Variants in HS3ST2 observed in about 807,000 individuals in gnomAD.
HS3ST2 encodes the protein heparan sulfate glucosamine 3-O-sulfotransferase 2.
Under a neutral mutation model 26.3 loss-of-function variants are expected in HS3ST2, and 17 were observed. The ratio of observed to expected loss-of-function variants is 0.65; its 90% CI spans 0.44 to 0.97. The LOEUF is 0.97. HS3ST2 is among the 50% of genes least tolerant of loss of function. The probability of loss-of-function intolerance (pLI) is 0.00; values close to 1 mark genes in which losing one functional copy is unlikely to be tolerated. For synonymous variants in HS3ST2, 237 were observed against 219.2 expected, an observed-to-expected ratio of 1.08 and a Z score of -0.72; for missense variants, 402 against 501.2, an observed-to-expected ratio of 0.80 and a Z score of 1.89.
intron 1 of HS3ST2, among the ~76,000 whole-genome samples, chr16:22,911,712 T>C (rs1902426508): frequency 6.6e-6 from 1 of 152,212 alleles, no homozygotes; most frequent in African/African-American, 2.4e-5. Context: ...TTCCCTTCTC[T>C]AACAAGGACA....
intron 1 of HS3ST2, among the ~76,000 whole-genome samples, chr16:22,819,532 G>T (rs1459011393): frequency 6.6e-6 from 1 of 152,204 alleles, no homozygotes; most frequent in Non-Finnish European, 1.5e-5. Flanking sequence ...TTTCGGTATG[G>T]CAGGGGAATG....
rs563209648 is a variant in HS3ST2 at position 22,843,621 on chromosome 16, G to A, written c.485+28526G>A. On this transcript the variant is annotated intron_variant, in intron 1 of 1. Transcript: ENST00000261374. Reference sequence around the variant, plus strand: ...GATATACACAGGGTGAGGTCTGGAAGGGTCCCGAGTGGATGAGCTCTGTCT... The same window carrying A: ...GATATACACAGGGTGAGGTCTGGAAAGGTCCCGAGTGGATGAGCTCTGTCT... 3.3e-5 allele frequency among the ~76,000 whole-genome samples: 5 copies of A among 152,342 alleles called. No homozygotes were observed. The South Asian group carries it at 8.3e-4, about 25-fold the overall frequency.
At chr16:22,898,839 A>G (rs1186690867) in intron 1 of HS3ST2, among the ~76,000 whole-genome samples, 1 of 152,188 alleles carries the variant, frequency 6.6e-6, no homozygotes. Context: ...TGAGAAAACC[A>G]ACTCCTGCTC....
At chr16:22,892,992 T>C (rs750281256) in intron 1 of HS3ST2, among the ~76,000 whole-genome samples, 1 of 152,226 alleles carries the variant, frequency 6.6e-6, no homozygotes, top group Non-Finnish European at 1.5e-5. Context: ...TGATTTTCCA[T>C]CTCTCCAGTT....
intron 1 of HS3ST2, among the ~76,000 whole-genome samples, chr16:22,837,879 A>G (rs10492788): frequency 0.041 from 6,268 of 152,130 alleles, 437 homozygotes; most frequent in African/African-American, 0.14. Flanking sequence ...CACTAGTCCG[A>G]ATTTAATGTT....
At chr16:22,914,763 A>AAAG (rs1489223344) in intron 1 of HS3ST2, among the ~76,000 whole-genome samples, 181 bp from the exon 2 acceptor site, 6 of 118,690 alleles carry the variant, frequency 5.1e-5, no homozygotes, top group African/African-American at 1.9e-4. Flanking sequence ...AAAAAAAAAA[A>AAAG]AGAGAAGAAA....
chr16:22,855,696 G>GTCTCTCTCTC (rs3078722), intron 1 of HS3ST2, among the ~76,000 whole-genome samples: 6,780 of 142,888 alleles, frequency 0.047, 248 homozygotes, highest in African/African-American at 0.092. Flanking sequence ...CTGTCTCTCT[G>GTCTCTCTCTC]TCTCTCTCTC....
At chr16:22,908,433 C>T (rs908083753) in intron 1 of HS3ST2, among the ~76,000 whole-genome samples, 1 of 152,120 alleles carries the variant, frequency 6.6e-6, no homozygotes, top group African/African-American at 2.4e-5. Context: ...AGTCCATTTT[C>T]TGTTGCTCAT....
At position 22,880,565 on chromosome 16, in the gene HS3ST2, G is replaced by T. The variant is rs138644912; in HGVS notation, c.486-34379G>T. Among the ~76,000 whole-genome samples, 1,027 of 152,198 alleles carry T rather than the reference G, an allele frequency of 6.7e-3. 14 individuals carry two copies. The highest frequency in any genetic ancestry group is 0.012 in the Admixed American group (189 of 15,292). On this transcript the variant is annotated intron_variant, in intron 1 of 1. Coordinates refer to ENST00000261374, the MANE Select transcript of HS3ST2 (RefSeq NM_006043.2). ...GTTTTACCTATTCGATCCCCTATTT[G>T]GCTGGTACCACTTTGATTTTTCTCT... is the stretch of plus-strand genomic sequence containing the variant.
At chr16:22,865,789 A>AT (rs1349763830) in intron 1 of HS3ST2, among the ~76,000 whole-genome samples, 12 of 152,316 alleles carry the variant, frequency 7.9e-5, no homozygotes, top group African/African-American at 2.6e-4. Context: ...ATAAATCTGC[A>AT]TTTAGAGAAT....
chr16:22,846,703 A>G (rs943732440), intron 1 of HS3ST2, among the ~76,000 whole-genome samples: 27 of 152,204 alleles, frequency 1.8e-4, no homozygotes, highest in African/African-American at 6.3e-4. Flanking sequence ...GGCAATTCCA[A>G]AGAGCAATCT....
In HS3ST2 at chr16:22,887,712, C is replaced by T. The variant is rs74247936; in HGVS notation, c.486-27232C>T. On this transcript the variant is annotated intron_variant, in intron 1 of 1. Coordinates refer to ENST00000261374, the MANE Select transcript of HS3ST2 (RefSeq NM_006043.2). ...AGGGGCATGCTTGGCCCATGAAGGCCGAGGTGGGAGGATCGCTTGAGGCCA... is the reference window on the plus strand; with the variant it reads ...AGGGGCATGCTTGGCCCATGAAGGCTGAGGTGGGAGGATCGCTTGAGGCCA... Among the ~76,000 whole-genome samples, 91 of 151,152 alleles carry T rather than the reference C, an allele frequency of 6.0e-4. 1 individual carries two copies. In the East Asian group the frequency reaches 0.014, roughly 23 times the overall value.
intron 1 of HS3ST2, among the ~76,000 whole-genome samples, chr16:22,866,815 T>C (rs1427515544): frequency 6.6e-6 from 1 of 151,880 alleles, no homozygotes; most frequent in Non-Finnish European, 1.5e-5. Context: ...AAAAGAAAGA[T>C]AAAAAATTTG....
chr16:22,866,363 G>GGTGTGTGTGTGTGTGT (rs1442625101), intron 1 of HS3ST2, among the ~76,000 whole-genome samples: 2 of 115,022 alleles, frequency 1.7e-5, no homozygotes, highest in Admixed American at 8.7e-5. Flanking sequence ...TTGACAATAT[G>GGTGTGTGTGTGTGTGT]GTGTGCGTGT....
In HS3ST2 at chr16:22,882,019, CTG is replaced by C. The variant is rs532654330; in HGVS notation, c.486-32924_486-32923del. ...AAAATAATTTGCCAAAATTTTATAA[CTG>C]AGAAATTTTGCATGAAATCTTTATT... On this transcript the variant is annotated intron_variant, in intron 1 of 1. Coordinates refer to ENST00000261374, the MANE Select transcript of HS3ST2 (RefSeq NM_006043.2). Among the ~76,000 whole-genome samples, 792 of 152,282 alleles carry C rather than the reference CTG, an allele frequency of 5.2e-3. 3 individuals carry two copies. The highest frequency in any genetic ancestry group is 8.3e-3 in the Non-Finnish European group (565 of 68,026).
Position 22,815,048 on chromosome 16 carries a change from A to G in HS3ST2, c.438A>G (p.Glu146=), listed in dbSNP as rs767445315. Residue 146 remains glutamate, a synonymous_variant, in exon 1 of 2, where the codon GAA becomes GAG. Transcript: ENST00000261374. ...CGGACGTGCGGGCCTTGGGCACGGA[A>G]CCCCACTTCTTTGACAGGAACTACG... ...VHPDVRALGT[E]PHFFDRNYGR... is the part of the protein sequence containing the mutation. 2 of 1,612,994 alleles carry G rather than the reference A, an allele frequency of 1.2e-6. No individual in the cohort carries two copies. The highest frequency in any genetic ancestry group is 8.5e-7 in the Non-Finnish European group (1 of 1,180,024).
intron 1 of HS3ST2, among the ~76,000 whole-genome samples, chr16:22,871,517 C>A (rs1017137667): frequency 4.6e-5 from 7 of 152,194 alleles, no homozygotes; most frequent in African/African-American, 1.7e-4. Flanking sequence ...ATATTTTCAA[C>A]TTGTGGTGGA....
At chr16:22,864,697 A>G (rs1901724533) in intron 1 of HS3ST2, among the ~76,000 whole-genome samples, 2 of 152,098 alleles carry the variant, frequency 1.3e-5, no homozygotes, top group Admixed American at 1.3e-4. Flanking sequence ...AAGGCCCTCA[A>G]GACACTGTAA....
intron 1 of HS3ST2, among the ~76,000 whole-genome samples, chr16:22,864,406 T>C (rs951772071): frequency 6.6e-6 from 1 of 152,186 alleles, no homozygotes; most frequent in Non-Finnish European, 1.5e-5. Context: ...ACCAAGATGA[T>C]AATTATTGGT....
Sources: gnomAD v4.1 joint callset for allele counts (sites outside exome capture counted in the v4.1 genomes callset) on GRCh38, gnomAD v4.1.1 for gene constraint, MANE v1.5 for transcripts, NCBI Gene and HGNC (gene_info 2026-07-23, HGNC 2026-07-21) for gene names.